ANP32A: variants seen among roughly 807,000 people sequenced by gnomAD.
ANP32A encodes the protein acidic leucine-rich nuclear phosphoprotein 32 family member A.
In ANP32A, 1 loss-of-function variant was observed where a neutral mutation model predicts 33.9. The observed-to-expected ratio is 0.03, with a 90% CI of 0.01 to 0.14. ANP32A has a LOEUF of 0.14. Among genes scored for constraint, ANP32A ranks in the 10% least tolerant of loss-of-function variants. The pLI is 1.00. For synonymous variants in ANP32A, 115 were observed against 120.5 expected (o/e 0.95, Z 0.30); for missense variants, 155 against 306.0 (o/e 0.51, Z 3.68).
chr15:68,801,334 C>A (rs2958401), intron 1 of ANP32A, among the ~76,000 whole-genome samples: 4 of 151,382 alleles, frequency 2.6e-5, no homozygotes, highest in South Asian at 2.1e-4. Flanking sequence ...CGGACATCTC[C>A]TATGGGAGAA....
rs1893854441 is a variant in ANP32A, at chr15:68,780,527, C to G, written c.625-54G>C. 1 of 1,609,982 alleles carries G rather than the reference C, an allele frequency of 6.2e-7. No individual in the cohort carries two copies. The highest frequency in any genetic ancestry group is 8.5e-7 in the Non-Finnish European group (1 of 1,178,042). Reference sequence around the variant, plus strand: ...TAGAAATGCCCTGCCTTGGGACATGCTGAGGAAGCCACACAGAGCACAAAA... The same window carrying G: ...TAGAAATGCCCTGCCTTGGGACATGGTGAGGAAGCCACACAGAGCACAAAA... On this transcript the variant is annotated intron_variant, in intron 5 of 6. Coordinates refer to ENST00000465139, the MANE Select transcript of ANP32A (RefSeq NM_006305.4). The surrounding 1 kb of genome is among the most constrained non-coding windows in gnomAD (Gnocchi z 4.3).
intron 1 of ANP32A, among the ~76,000 whole-genome samples, chr15:68,806,186 G>T (rs149313200): frequency 1.9e-3 from 295 of 152,294 alleles, no homozygotes; most frequent in Non-Finnish European, 2.5e-3. Context: ...ATTTGTGGCA[G>T]TAATAAGCCT....
At chr15:68,794,142 C>T (rs1327849720) in intron 1 of ANP32A, among the ~76,000 whole-genome samples, 1 of 152,224 alleles carries the variant, frequency 6.6e-6, no homozygotes, top group African/African-American at 2.4e-5. Flanking sequence ...GGAGCATCCC[C>T]AGCTTGGAAA....
intron 1 of ANP32A, chr15:68,792,041 T>C (rs1286900333): frequency 6.6e-6 from 1 of 152,336 alleles, no homozygotes; most frequent in African/African-American, 2.4e-5. Context: ...CTTGCTACAA[T>C]ACCAACCCAT....
At position 68,780,572 on chromosome 15, in the gene ANP32A, CCT is replaced by C; in HGVS notation, c.625-101_625-100del. 1.3e-6 allele frequency: 2 copies of C among 1,531,898 alleles called. No homozygotes were observed. Among genetic ancestry groups the C allele is most frequent in the Middle Eastern group, 1.8e-4 (1 of 5,714 alleles). The allele number at this position is 1,531,898 out of a possible 1,614,324, so 94.9% of individuals were successfully genotyped here. ...ACAAAAAGGCCGGGGTCACCCCCAGCCTCTCAGAGCCCCCACCAAGACTTGAC... is the reference window on the plus strand; with the variant it reads ...ACAAAAAGGCCGGGGTCACCCCCAGCCTCAGAGCCCCCACCAAGACTTGAC... On this transcript the variant is annotated intron_variant, in intron 5 of 6. Coordinates refer to ENST00000465139, the MANE Select transcript of ANP32A (RefSeq NM_006305.4). This position sits in a 1 kb window ranked among gnomAD's most constrained non-coding sequence, Gnocchi z 4.3.
intron 1 of ANP32A, chr15:68,789,120 C>A (rs1334252442): frequency 2.0e-5 from 3 of 152,318 alleles, no homozygotes; most frequent in African/African-American, 7.2e-5. Flanking sequence ...TCTGGGAAAC[C>A]CGGCCTCTCT....
At position 68,807,434 on chromosome 15, in the gene ANP32A, G is replaced by GGC. The variant is rs1555424033; in HGVS notation, c.54+13263_54+13264insGC. 1.4e-5 allele frequency among the ~76,000 whole-genome samples: 2 copies of GGC among 147,410 alleles called. 1 individual carries two copies. The highest frequency in any genetic ancestry group is 3.1e-5 in the Non-Finnish European group (2 of 65,496). The stretch of plus-strand genomic sequence containing the variant: ...CCCCACCTCCACAGAAAACGGGGGG[G>GGC]GGGGAGTCTCTCCTTTGCCCAGAGC... On this transcript the variant is annotated intron_variant, in intron 1 of 6. Transcript: ENST00000465139.
chr15:68,797,886 C>T (rs1395820710), intron 1 of ANP32A, among the ~76,000 whole-genome samples: 1 of 148,388 alleles, frequency 6.7e-6, no homozygotes, highest in Non-Finnish European at 1.5e-5. Flanking sequence ...CCCAGAGGGG[C>T]TGGCTTTCAG....
chr15:68,809,866 G>A (rs1354147735), intron 1 of ANP32A, among the ~76,000 whole-genome samples: 3 of 152,222 alleles, frequency 2.0e-5, no homozygotes, highest in African/African-American at 7.2e-5. Flanking sequence ...AGACCACAAT[G>A]ATGAGCAAAA....
chr15:68,779,896 TCCACCCCCACCCGCCATC>T lies in ANP32A; in HGVS notation c.*167_*184del, dbSNP rs1893842488. On this transcript the variant is annotated 3_prime_UTR_variant, in exon 7 of 7. Transcript: ENST00000465139. Reference sequence around the variant, plus strand: ...AGTGGCAGTAAAAATAGTATTTTATTCCACCCCCACCCGCCATCCCTCCCCCCGCAACCCCCAGTACAC... The same window carrying T: ...AGTGGCAGTAAAAATAGTATTTTATTCCTCCCCCCGCAACCCCCAGTACAC... 3.6e-6 allele frequency: 2 copies of T among 561,368 alleles called. No homozygotes were observed. The highest frequency in any genetic ancestry group is 6.3e-6 in the Non-Finnish European group (2 of 318,788). The allele number at this position is 561,368 out of a possible 1,614,324, so 34.8% of individuals were successfully genotyped here. A position where few individuals can be genotyped will look rare whatever the true frequency, so the allele number is the denominator to read the frequency against.
intron 3 of ANP32A, among the ~76,000 whole-genome samples, chr15:68,786,187 A>T (rs1596064397): frequency 6.6e-6 from 1 of 151,936 alleles, no homozygotes; most frequent in East Asian, 1.9e-4. Flanking sequence ...AAATTTGGCA[A>T]ACGTGGCCAA....
intron 2 of ANP32A, 108 bp from the exon 3 acceptor site, chr15:68,787,643 G>A (rs1316713791): frequency 2.5e-6 from 4 of 1,596,908 alleles, no homozygotes; most frequent in Non-Finnish European, 3.4e-6. Context: ...AGCAGTCTCA[G>A]GCAATTGTCT....
intron 1 of ANP32A, among the ~76,000 whole-genome samples, chr15:68,802,714 G>A (rs954395708): frequency 2.0e-5 from 3 of 152,144 alleles, no homozygotes; most frequent in African/African-American, 7.2e-5. Context: ...GGGCAGTGAC[G>A]CCATCTCGGC....
Position 68,779,955 on chromosome 15 carries a change from C to A in ANP32A, c.*126G>T. The A allele has an allele frequency of 3.2e-5, 17 of 536,626 alleles. No homozygotes were observed. The highest frequency in any genetic ancestry group is 1.9e-4 in the East Asian group (3 of 16,094). 33.2% of individuals were successfully genotyped at this position (536,626 alleles called of 1,614,324 possible). A position where few individuals can be genotyped will look rare whatever the true frequency, so the allele number is the denominator to read the frequency against. Reference sequence around the variant, plus strand: ...CCCAGTACACTCTTCCCCTCTCGTTCCCACAGCAACGTTACAATCAGAAAA... The same window carrying A: ...CCCAGTACACTCTTCCCCTCTCGTTACCACAGCAACGTTACAATCAGAAAA... On this transcript the variant is annotated 3_prime_UTR_variant, in exon 7 of 7. Transcript: ENST00000465139.
intron 1 of ANP32A, among the ~76,000 whole-genome samples, chr15:68,794,024 C>G (rs1038908482): frequency 6.6e-6 from 1 of 152,172 alleles, no homozygotes; most frequent in African/African-American, 2.4e-5. Flanking sequence ...AGAACTGGCT[C>G]AAGTTCAATT....
chr15:68,782,995 CTCCTCA>C lies in ANP32A; in HGVS notation c.579_584del (p.Asp193_Glu194del). The C allele has an allele frequency of 1.3e-6, 2 of 1,551,656 alleles. No homozygotes were observed. The highest frequency in any genetic ancestry group is 1.4e-5 in the African/African-American group (1 of 73,166). ...TCACGTCCTCCTCTTCACCTTCCTCCTCCTCATCCTCGTCCTCCTCGTCTTCCACTA... is the reference window on the plus strand; with the variant it reads ...TCACGTCCTCCTCTTCACCTTCCTCCTCCTCGTCCTCCTCGTCTTCCACTA... On this transcript the variant is annotated inframe_deletion, in exon 5 of 7. Transcript: ENST00000465139.
intron 3 of ANP32A, among the ~76,000 whole-genome samples, chr15:68,786,894 G>A (rs1893940203): frequency 6.6e-6 from 1 of 152,148 alleles, no homozygotes; most frequent in Non-Finnish European, 1.5e-5. Flanking sequence ...ACACCACGTT[G>A]AGGAAGGCCT....
chr15:68,789,460 G>A (rs1376033416), intron 1 of ANP32A: 1 of 152,316 alleles, frequency 6.6e-6, no homozygotes, highest in Non-Finnish European at 1.5e-5. Flanking sequence ...CCTTTGAGCA[G>A]GCCAACATGC....
chr15:68,804,851 A>G (rs979298537), intron 1 of ANP32A, among the ~76,000 whole-genome samples: 1 of 152,280 alleles, frequency 6.6e-6, no homozygotes, highest in Admixed American at 6.5e-5. Context: ...AACAGTGGGC[A>G]TGAAATTATC....
Sources: gnomAD v4.1 joint callset for allele counts (sites outside exome capture counted in the v4.1 genomes callset) on GRCh38, gnomAD v4.1.1 for gene constraint, Gnocchi (gnomAD v3.1) non-coding constraint, MANE v1.5 for transcripts, NCBI Gene and HGNC (gene_info 2026-07-23, HGNC 2026-07-21) for gene names.